The following PPP1R12B variants were observed in gnomAD, a reference collection of about 807,000 sequenced individuals.
PPP1R12B encodes protein phosphatase 1 regulatory subunit 12B.
In PPP1R12B, 76 loss-of-function variants were observed where a neutral mutation model predicts 126.1. That is an observed-to-expected ratio of 0.60 (90% CI 0.50 to 0.73). PPP1R12B has a LOEUF of 0.73. PPP1R12B is among the 30% of genes least tolerant of loss of function. PPP1R12B has a pLI of 0.00. For synonymous variants in PPP1R12B, 356 were observed against 434.7 expected, an observed-to-expected ratio of 0.82 and a Z score of 2.25; for missense variants, 1,052 against 1,205.1, an observed-to-expected ratio of 0.87 and a Z score of 1.88.
At chr1:202,512,182 T>C (rs1232198303) in intron 18 of PPP1R12B, among the ~76,000 whole-genome samples, 1 of 152,224 alleles carries the variant, frequency 6.6e-6, no homozygotes, top group African/African-American at 2.4e-5. Context: ...TCTTCCATGA[T>C]ACATATACAG....
intron 18 of PPP1R12B, among the ~76,000 whole-genome samples, chr1:202,532,772 CTGTT>C (rs1684091970): frequency 6.8e-6 from 1 of 147,912 alleles, no homozygotes; most frequent in South Asian, 2.1e-4. Flanking sequence ...TGAAAAAACT[CTGTT>C]TTTTTTTTAA....
intron 13 of PPP1R12B, among the ~76,000 whole-genome samples, chr1:202,469,599 G>A (rs1489310913): frequency 2.0e-5 from 3 of 152,022 alleles, no homozygotes; most frequent in African/African-American, 7.3e-5. Flanking sequence ...GAGACTTTAT[G>A]CATTTGTCAA....
intron 13 of PPP1R12B, among the ~76,000 whole-genome samples, chr1:202,487,207 G>A (rs1460322325): frequency 6.6e-6 from 1 of 152,114 alleles, no homozygotes; most frequent in African/African-American, 2.4e-5. Flanking sequence ...AATATATGGG[G>A]AAGAATAGCA....
At chr1:202,541,439 G>A (rs1288216938) in intron 18 of PPP1R12B, among the ~76,000 whole-genome samples, 1 of 152,058 alleles carries the variant, frequency 6.6e-6, no homozygotes, top group African/African-American at 2.4e-5. Flanking sequence ...TACTGTCATC[G>A]AGTTCCAGGA....
chr1:202,410,170 G>A (rs556399562), intron 1 of PPP1R12B: 1 of 152,150 alleles, frequency 6.6e-6, no homozygotes, highest in African/African-American at 2.4e-5. Context: ...GCCAATCTCT[G>A]TATTGTTCCA....
intron 23 of PPP1R12B, among the ~76,000 whole-genome samples, chr1:202,578,944 T>C (rs759840619): frequency 3.3e-4 from 51 of 152,342 alleles, no homozygotes; most frequent in Non-Finnish European, 5.7e-4. Context: ...AAGAATGATC[T>C]TTGGAGTCAG....
chr1:202,388,749 C>G (rs991704295), intron 1 of PPP1R12B, among the ~76,000 whole-genome samples: 2 of 151,998 alleles, frequency 1.3e-5, no homozygotes, highest in African/African-American at 4.8e-5. Context: ...ATTATAAAAT[C>G]CATGTAACTC....
At chr1:202,377,015 T>G (rs989688854) in intron 1 of PPP1R12B, among the ~76,000 whole-genome samples, 1 of 152,150 alleles carries the variant, frequency 6.6e-6, no homozygotes, top group Non-Finnish European at 1.5e-5. Flanking sequence ...TTAGTATTAG[T>G]GTGTTTTATG....
intron 8 of PPP1R12B, 104 bp downstream of exon 8, chr1:202,431,723 T>C: frequency 8.8e-7 from 1 of 1,137,002 alleles, no homozygotes; most frequent in East Asian, 2.6e-5. Flanking sequence ...CAAAAAGAGC[T>C]TGAAGTTTAG....
chr1:202,402,865 T>A (rs1462768826), intron 1 of PPP1R12B, among the ~76,000 whole-genome samples: 1 of 152,178 alleles, frequency 6.6e-6, no homozygotes, highest in Non-Finnish European at 1.5e-5. Flanking sequence ...AAAAGAAAAA[T>A]AATACTGTAA....
chr1:202,483,210 G>T (rs1677632578), intron 13 of PPP1R12B, among the ~76,000 whole-genome samples: 1 of 147,960 alleles, frequency 6.8e-6, no homozygotes, highest in African/African-American at 2.5e-5. Context: ...GAATTGCTTT[G>T]GCTATTCATT....
At chr1:202,485,382 G>T (rs1260763142) in intron 13 of PPP1R12B, among the ~76,000 whole-genome samples, 1 of 150,028 alleles carries the variant, frequency 6.7e-6, no homozygotes, top group Non-Finnish European at 1.5e-5. Context: ...TTTCAAGATG[G>T]TGCTGAGTAG....
Position 202,446,242 on chromosome 1 carries a change from A to C in PPP1R12B, c.1668-2747A>C, listed in dbSNP as rs1386230736. Among the ~76,000 whole-genome samples, 32 of 44,340 alleles carry C rather than the reference A, an allele frequency of 7.2e-4. 1 individual carries two copies. Among genetic ancestry groups the C allele is most frequent in the South Asian group, 4.5e-3 (5 of 1,118 alleles). The allele number at this position is 44,340 out of a possible 152,430, so 29.1% of individuals were successfully genotyped here. On this transcript the variant is annotated intron_variant, in intron 12 of 23. Coordinates refer to ENST00000608999, the MANE Select transcript of PPP1R12B (RefSeq NM_002481.4). ...TCTCTCTCTCTCTCTCTCTCTATAT[A>C]TATATATATATATATTTTTTTTTTT...
intron 21 of PPP1R12B, among the ~76,000 whole-genome samples, chr1:202,566,365 G>A (rs1022155696): frequency 2.6e-5 from 4 of 152,210 alleles, no homozygotes; most frequent in Non-Finnish European, 5.9e-5. Context: ...AAATGGTGCT[G>A]CTACAAACCA....
intron 19 of PPP1R12B, among the ~76,000 whole-genome samples, chr1:202,559,102 A>G (rs1260092282): frequency 2.0e-5 from 3 of 152,168 alleles, no homozygotes; most frequent in Admixed American, 2.0e-4. Context: ...CTGCTTCCAG[A>G]TTCTCCTCTT....
At chr1:202,513,806 G>A (rs1359148942) in intron 18 of PPP1R12B, among the ~76,000 whole-genome samples, 1 of 152,160 alleles carries the variant, frequency 6.6e-6, no homozygotes, top group Non-Finnish European at 1.5e-5. Context: ...GCTAAGGAGG[G>A]CCACTGCTAT....
chr1:202,561,211 C>T (rs1687487365), intron 19 of PPP1R12B, among the ~76,000 whole-genome samples: 1 of 151,928 alleles, frequency 6.6e-6, no homozygotes, highest in Non-Finnish European at 1.5e-5. Context: ...ATACATATTT[C>T]TGTCATAAGA....
At chr1:202,504,421 C>T (rs1680593849) in intron 18 of PPP1R12B, among the ~76,000 whole-genome samples, 1 of 152,056 alleles carries the variant, frequency 6.6e-6, no homozygotes, top group Non-Finnish European at 1.5e-5. Context: ...CTTGGAAAAA[C>T]TTTTATTAGA....
chr1:202,362,653 G>GTTTTTTTTTT lies in PPP1R12B; in HGVS notation c.291+13516_291+13517insTTTTTTTTTT, dbSNP rs143292643. 2.1e-5 allele frequency among the ~76,000 whole-genome samples: 3 copies of GTTTTTTTTTT among 144,756 alleles called. 1 individual carries two copies. Among genetic ancestry groups the GTTTTTTTTTT allele is most frequent in the Non-Finnish European group, 3.0e-5 (2 of 66,346 alleles). 95.0% of individuals were successfully genotyped at this position (144,756 alleles called of 152,430 possible). A position where few individuals can be genotyped will look rare whatever the true frequency, so the allele number is the denominator to read the frequency against. On this transcript the variant is annotated intron_variant, in intron 1 of 23. Coordinates refer to ENST00000608999, the MANE Select transcript of PPP1R12B (RefSeq NM_002481.4). Reference sequence around the variant, plus strand: ...CATGACAGAATCAGCAAGGCCCAGGGTTTTTGTTTTTTTTTTTTGTAATAA... The same window carrying GTTTTTTTTTT: ...CATGACAGAATCAGCAAGGCCCAGGGTTTTTTTTTTTTTTTGTTTTTTTTTTTTGTAATAA...
Sources: allele counts gnomAD v4.1 joint callset (sites outside exome capture counted in the v4.1 genomes callset), GRCh38; gene constraint gnomAD v4.1.1; transcripts MANE v1.5; gene names NCBI Gene and HGNC (gene_info 2026-07-23, HGNC 2026-07-21).